TRPM3: variants seen among roughly 807,000 people sequenced by gnomAD.
TRPM3 encodes the protein transient receptor potential cation channel subfamily M member 3.
Under a neutral mutation model 181.2 loss-of-function variants are expected in TRPM3, and 77 were observed. The observed-to-expected ratio is 0.42, with a 90% CI of 0.35 to 0.51. The LOEUF (loss-of-function observed/expected upper bound fraction) is 0.51. Among genes scored for constraint, TRPM3 ranks in the 20% least tolerant of loss-of-function variants. The probability of loss-of-function intolerance (pLI) is 0.01; values close to 1 mark genes in which losing one functional copy is unlikely to be tolerated. For synonymous variants in TRPM3, 745 were observed against 796.4 expected (o/e 0.94, Z 1.09); for missense variants, 1,759 against 2,196.7 (o/e 0.80, Z 3.98).
At chr9:71,012,651 C>A (rs2097755490) in intron 1 of TRPM3, among the ~76,000 whole-genome samples, 1 of 151,940 alleles carries the variant, frequency 6.6e-6, no homozygotes, top group African/African-American at 2.4e-5. Flanking sequence ...ACAGAGCTGG[C>A]ACATTTCATG....
intron 1 of TRPM3, among the ~76,000 whole-genome samples, chr9:71,275,673 A>C (rs1420013684): frequency 6.6e-6 from 1 of 152,188 alleles, no homozygotes; most frequent in Non-Finnish European, 1.5e-5. Flanking sequence ...TCAATTATAA[A>C]GCCATATTAT....
chr9:71,226,814 C>T (rs1032373700), intron 1 of TRPM3, among the ~76,000 whole-genome samples: 3 of 152,026 alleles, frequency 2.0e-5, no homozygotes, highest in East Asian at 1.9e-4. Flanking sequence ...CTACTTTCAG[C>T]GCTGAACAGA....
At chr9:70,840,711 A>C (rs998307559) in intron 5 of TRPM3, among the ~76,000 whole-genome samples, 1 of 152,200 alleles carries the variant, frequency 6.6e-6, no homozygotes, top group Admixed American at 6.6e-5. Flanking sequence ...CTCCCAATTC[A>C]ACAGATAAGT....
chr9:70,547,561 A>G (rs947335587), intron 25 of TRPM3, among the ~76,000 whole-genome samples: 2 of 151,650 alleles, frequency 1.3e-5, no homozygotes, highest in African/African-American at 4.8e-5. Context: ...AAACCCAACA[A>G]CAATGACAAC....
At chr9:71,132,156 T>C (rs2074411196) in intron 1 of TRPM3, among the ~76,000 whole-genome samples, 1 of 152,206 alleles carries the variant, frequency 6.6e-6, no homozygotes, top group Admixed American at 6.5e-5. Flanking sequence ...TTACCCATAA[T>C]GATGCTGAGA....
chr9:70,898,859 G>A (rs2096338976), intron 1 of TRPM3, among the ~76,000 whole-genome samples: 1 of 152,096 alleles, frequency 6.6e-6, no homozygotes, highest in Non-Finnish European at 1.5e-5. Flanking sequence ...AGCTGCTGCT[G>A]ATAAAACGTG....
chr9:71,289,912 A>C (rs896666127), intron 1 of TRPM3, among the ~76,000 whole-genome samples: 11 of 150,998 alleles, frequency 7.3e-5, no homozygotes, highest in African/African-American at 2.7e-4. Flanking sequence ...GCTAGATAAG[A>C]ACTAGATAAG....
intron 8 of TRPM3, among the ~76,000 whole-genome samples, chr9:70,746,135 T>G (rs965530262): frequency 6.6e-6 from 1 of 152,174 alleles, no homozygotes; most frequent in Non-Finnish European, 1.5e-5. Context: ...GCTGACACCC[T>G]GACCTGACAA....
intron 1 of TRPM3, among the ~76,000 whole-genome samples, chr9:70,984,674 A>ACAAGGAATGCTGTCC (rs1808242799): frequency 6.6e-6 from 1 of 152,214 alleles, no homozygotes; most frequent in Non-Finnish European, 1.5e-5. Context: ...TGGCCAGGAG[A>ACAAGGAATGCTGTCC]CAAGGAATGC....
intron 1 of TRPM3, among the ~76,000 whole-genome samples, chr9:70,920,353 GA>G (rs555475187): frequency 1.4e-3 from 214 of 152,208 alleles, no homozygotes; most frequent in African/African-American, 5.0e-3. Context: ...TCAGTGCTTT[GA>G]AAAGTCTATT....
chr9:71,260,431 A>G (rs901227356), intron 1 of TRPM3, among the ~76,000 whole-genome samples: 10 of 152,164 alleles, frequency 6.6e-5, no homozygotes, highest in Non-Finnish European at 5.9e-5. Flanking sequence ...AGTCAATGGT[A>G]GCTTGTTAGG....
chr9:70,954,623 A>C (rs1003921354), intron 1 of TRPM3, among the ~76,000 whole-genome samples: 3 of 152,200 alleles, frequency 2.0e-5, no homozygotes, highest in Admixed American at 6.5e-5. Context: ...TACATATGAC[A>C]GTAGAAGAAT....
At chr9:70,895,003 A>T (rs2096262612) in intron 1 of TRPM3, among the ~76,000 whole-genome samples, 1 of 152,184 alleles carries the variant, frequency 6.6e-6, no homozygotes, top group Non-Finnish European at 1.5e-5. Flanking sequence ...AAGATACCTT[A>T]TCTTTTAAGA....
intron 1 of TRPM3, among the ~76,000 whole-genome samples, chr9:71,279,293 T>C (rs942760117): frequency 6.6e-6 from 1 of 151,980 alleles, no homozygotes; most frequent in African/African-American, 2.4e-5. Flanking sequence ...GTAGAAAATA[T>C]ACTATGAAAA....
At chr9:70,684,559 A>C (rs2066278385) in intron 8 of TRPM3, among the ~76,000 whole-genome samples, 1 of 152,182 alleles carries the variant, frequency 6.6e-6, no homozygotes, top group Non-Finnish European at 1.5e-5. Flanking sequence ...TGAATGTTTA[A>C]AAATATTAAT....
At chr9:70,781,786 C>A (rs1437610929) in intron 7 of TRPM3, among the ~76,000 whole-genome samples, 1 of 151,888 alleles carries the variant, frequency 6.6e-6, no homozygotes, top group Non-Finnish European at 1.5e-5. Context: ...AAATACATAA[C>A]CTTTCCTCCA....
chr9:71,280,078 C>CAAAAAAAA (rs36019274), intron 1 of TRPM3, among the ~76,000 whole-genome samples: 1 of 105,736 alleles, frequency 9.5e-6, no homozygotes, highest in Non-Finnish European at 2.0e-5. Context: ...AACTCCATCT[C>CAAAAAAAA]AAAAAAAAAA....
At chr9:70,958,890 A>G (rs2097107569) in intron 1 of TRPM3, among the ~76,000 whole-genome samples, 2 of 151,866 alleles carry the variant, frequency 1.3e-5, no homozygotes, top group South Asian at 4.2e-4. Flanking sequence ...CATTCTCAGT[A>G]AACTATCGCA....
intron 1 of TRPM3, among the ~76,000 whole-genome samples, chr9:71,130,639 G>A (rs558107499): frequency 7.2e-5 from 11 of 152,260 alleles, no homozygotes; most frequent in African/African-American, 2.6e-4. Context: ...TTCTAAATTG[G>A]TTAATAAATC....
Sources: allele counts gnomAD v4.1 joint callset (sites outside exome capture counted in the v4.1 genomes callset), GRCh38; gene constraint gnomAD v4.1.1; transcripts MANE v1.5; gene names NCBI Gene and HGNC (gene_info 2026-07-23, HGNC 2026-07-21).